The following GALNT7 variants were observed in gnomAD, a reference collection of about 807,000 sequenced individuals.
GALNT7 encodes polypeptide N-acetylgalactosaminyltransferase 7.
GALNT7 carries 60 observed loss-of-function variants against 82.1 expected under a neutral mutation model. The observed-to-expected ratio is 0.73, with a 90% confidence interval of 0.59 to 0.91. GALNT7 has a LOEUF of 0.91. Among genes scored for constraint, GALNT7 ranks in the 40% least tolerant of loss-of-function variants. The pLI, the probability that GALNT7 is intolerant of heterozygous loss-of-function variation, is 0.00. For synonymous variants in GALNT7, 243 were observed against 275.1 expected (o/e 0.88, Z 1.15); for missense variants, 660 against 804.2 (o/e 0.82, Z 2.17).
At chr4:173,321,484 C>A in intron 11 of GALNT7, 96 bp from the exon 12 acceptor site, 1 of 841,090 alleles carries the variant, frequency 1.2e-6, no homozygotes, top group Non-Finnish European at 2.0e-6. Flanking sequence ...TTTCCATTTC[C>A]TTAAACTGTC....
rs995392814 is a variant in GALNT7 at position 173,320,033 on chromosome 4, T to C, written c.1836+1474T>C. On this transcript the variant is annotated intron_variant, in intron 11 of 11. Transcript: ENST00000265000. This position sits in a 1 kb window ranked among gnomAD's most constrained non-coding sequence, Gnocchi z 4.1. ...TATTTCATTTGGTATCCCTCAATTG[T>C]GCTTTGGAGGAAAGAGCACCGAACT... is the stretch of plus-strand genomic sequence containing the variant. 6.6e-6 allele frequency among the ~76,000 whole-genome samples: 1 copy of C among 152,160 alleles called. No individual in the cohort carries two copies. The highest frequency in any genetic ancestry group is 2.4e-5 in the African/African-American group (1 of 41,434).
At chr4:173,275,922 G>A (rs553822895) in intron 2 of GALNT7, among the ~76,000 whole-genome samples, 3 of 152,214 alleles carry the variant, frequency 2.0e-5, no homozygotes, top group South Asian at 4.1e-4. Flanking sequence ...ACCAACTGGC[G>A]CTACCTTCAA....
At chr4:173,248,685 A>G (rs766262530) in intron 2 of GALNT7, among the ~76,000 whole-genome samples, 1 of 152,184 alleles carries the variant, frequency 6.6e-6, no homozygotes, top group Non-Finnish European at 1.5e-5. Flanking sequence ...TATGGTCCCC[A>G]GACTGGCACT....
intron 1 of GALNT7, among the ~76,000 whole-genome samples, chr4:173,221,492 T>A (rs908160083): frequency 6.6e-6 from 1 of 152,196 alleles, no homozygotes; most frequent in Non-Finnish European, 1.5e-5. Context: ...GAGATGTAAT[T>A]CTTTGGTGAG....
At chr4:173,275,270 G>A (rs867452152) in intron 2 of GALNT7, among the ~76,000 whole-genome samples, 1 of 152,200 alleles carries the variant, frequency 6.6e-6, no homozygotes, top group Non-Finnish European at 1.5e-5. Context: ...GTCCAATGAC[G>A]ATGTGACCTT....
chr4:173,288,009 C>T (rs1165477062), intron 2 of GALNT7, among the ~76,000 whole-genome samples: 1 of 152,066 alleles, frequency 6.6e-6, no homozygotes, highest in South Asian at 2.1e-4. Flanking sequence ...TGAGGCCGGG[C>T]GCGGTGGCTC....
At chr4:173,262,815 C>G (rs910372029) in intron 2 of GALNT7, among the ~76,000 whole-genome samples, 10 of 152,124 alleles carry the variant, frequency 6.6e-5, no homozygotes, top group African/African-American at 2.4e-4. Context: ...CCCATTTCGT[C>G]TCACAGAATA....
intron 1 of GALNT7, among the ~76,000 whole-genome samples, chr4:173,236,696 T>A (rs1354630923): frequency 6.6e-6 from 1 of 152,214 alleles, no homozygotes; most frequent in Non-Finnish European, 1.5e-5. Context: ...CCCCACCGCC[T>A]ATGTACTGGG....
intron 1 of GALNT7, among the ~76,000 whole-genome samples, chr4:173,197,215 T>C (rs1169552021): frequency 6.6e-6 from 1 of 152,170 alleles, no homozygotes; most frequent in Non-Finnish European, 1.5e-5. Flanking sequence ...ACTGAGATTC[T>C]TTTTCTTAAG....
chr4:173,217,452 CTAA>C (rs1343857678), intron 1 of GALNT7, among the ~76,000 whole-genome samples: 1 of 152,062 alleles, frequency 6.6e-6, no homozygotes, highest in Non-Finnish European at 1.5e-5. Flanking sequence ...TTAATTTACC[CTAA>C]TAATATTTAG....
intron 2 of GALNT7, among the ~76,000 whole-genome samples, chr4:173,264,727 A>G (rs1012069154): frequency 5.9e-5 from 9 of 152,172 alleles, no homozygotes; most frequent in Non-Finnish European, 1.3e-4. Flanking sequence ...GTGTTTCTAC[A>G]TTCTCCCCTG....
chr4:173,212,889 C>T (rs1733327602), intron 1 of GALNT7, among the ~76,000 whole-genome samples: 1 of 151,912 alleles, frequency 6.6e-6, no homozygotes, highest in African/African-American at 2.4e-5. Context: ...AAGCTGAGTA[C>T]AAGATCCAAA....
chr4:173,227,814 A>T (rs1293980308), intron 1 of GALNT7, among the ~76,000 whole-genome samples: 2 of 151,930 alleles, frequency 1.3e-5, no homozygotes, highest in Non-Finnish European at 2.9e-5. Context: ...TGCACCTTTT[A>T]AAAAAAATCG....
At chr4:173,171,299 G>A (rs933808017) in intron 1 of GALNT7, among the ~76,000 whole-genome samples, 1 of 152,114 alleles carries the variant, frequency 6.6e-6, no homozygotes, top group Non-Finnish European at 1.5e-5. Context: ...CCCCCTTGTG[G>A]TTCTTTTACT....
chr4:173,171,867 A>C (rs1028724906), intron 1 of GALNT7, among the ~76,000 whole-genome samples: 2 of 152,236 alleles, frequency 1.3e-5, no homozygotes, highest in Non-Finnish European at 2.9e-5. Flanking sequence ...TATATAAATA[A>C]AAATTGTGCT....
chr4:173,292,844 G>A lies in GALNT7; in HGVS notation c.754+570G>A, dbSNP rs1561192706. 6.6e-6 allele frequency among the ~76,000 whole-genome samples: 1 copy of A among 151,886 alleles called. No individual in the cohort carries two copies. The highest frequency in any genetic ancestry group is 6.6e-5 in the Admixed American group (1 of 15,250). On this transcript the variant is annotated intron_variant, in intron 3 of 11. Coordinates refer to ENST00000265000, the MANE Select transcript of GALNT7 (RefSeq NM_017423.3). The surrounding 1 kb of genome is among the most constrained non-coding windows in gnomAD (Gnocchi z 4.8). Reference sequence around the variant, plus strand: ...AGAATGTATAGCTTTAAAATTTTTAGCCATATCAAATGCCTTTAGAGTAGA... The same window carrying A: ...AGAATGTATAGCTTTAAAATTTTTAACCATATCAAATGCCTTTAGAGTAGA...
chr4:173,198,553 C>T (rs1732850509), intron 1 of GALNT7, among the ~76,000 whole-genome samples: 1 of 152,142 alleles, frequency 6.6e-6, no homozygotes, highest in African/African-American at 2.4e-5. Context: ...ATAAGTCTGG[C>T]AAAAGCTGTT....
intron 1 of GALNT7, among the ~76,000 whole-genome samples, chr4:173,210,728 G>A (rs1176620411): frequency 2.0e-5 from 3 of 152,044 alleles, no homozygotes; most frequent in Non-Finnish European, 4.4e-5. Context: ...CACCATGCCT[G>A]GCCTACTTTT....
At chr4:173,260,113 C>G (rs188261803) in intron 2 of GALNT7, among the ~76,000 whole-genome samples, 303 of 152,270 alleles carry the variant, frequency 2.0e-3, no homozygotes, top group Non-Finnish European at 3.2e-3. Flanking sequence ...TACATACCAT[C>G]GAATGCCAGA....
Sources: gnomAD v4.1 joint callset for allele counts (sites outside exome capture counted in the v4.1 genomes callset) on GRCh38, gnomAD v4.1.1 for gene constraint, Gnocchi (gnomAD v3.1) non-coding constraint, MANE v1.5 for transcripts, NCBI Gene and HGNC (gene_info 2026-07-23, HGNC 2026-07-21) for gene names.